The following ZBTB43 variants were observed in gnomAD, a reference collection of about 807,000 sequenced individuals.
ZBTB43 encodes zinc finger and BTB domain-containing protein 43.
A neutral mutation model predicts 31.1 loss-of-function variants in ZBTB43; 6 were observed. That is an observed-to-expected ratio of 0.19 (90% confidence interval 0.11 to 0.38). The LOEUF is 0.38. Ranked by LOEUF, ZBTB43 falls within the 10% of genes least tolerant of loss-of-function variation. The pLI is 1.00. For synonymous variants in ZBTB43, 212 were observed against 221.7 expected, an observed-to-expected ratio of 0.96 and a Z score of 0.39; for missense variants, 379 against 602.1, an observed-to-expected ratio of 0.63 and a Z score of 3.88.
At position 126,833,364 on chromosome 9, in the gene ZBTB43, G is replaced by A. The variant is rs138764141; in HGVS notation, c.855G>A (p.Ser285=). The change falls in exon 3 of 3, where the codon TCG becomes TCA. Residue 285 remains serine, a synonymous_variant. Coordinates refer to ENST00000373464, the MANE Select transcript of ZBTB43 (RefSeq NM_014007.4). The surrounding 1 kb of genome is among the most constrained non-coding windows in gnomAD (Gnocchi z 7.9). The part of the protein sequence containing the change: ...TVQTEHTVQP[S]GVEEDFHIGE... ...AGACAGAGCACACGGTGCAGCCTTC[G>A]GGAGTGGAGGAGGACTTCCACATCG... 702 of 1,613,280 alleles carry A rather than the reference G, an allele frequency of 4.4e-4. 4 individuals are homozygous for A. The African/African-American group carries it at 6.6e-3, about 15-fold the overall frequency.
chr9:126,820,517 A>C (rs2032486115), intron 2 of ZBTB43, among the ~76,000 whole-genome samples: 1 of 152,164 alleles, frequency 6.6e-6, no homozygotes, highest in Non-Finnish European at 1.5e-5. Context: ...ATTTTTTACA[A>C]AGCATTACTG....
intron 2 of ZBTB43, among the ~76,000 whole-genome samples, chr9:126,831,164 C>T (rs1275392072): frequency 6.6e-6 from 1 of 152,144 alleles, no homozygotes; most frequent in Non-Finnish European, 1.5e-5. Context: ...ACTGCTCAAG[C>T]CCCCAGGCCC....
chr9:126,828,820 A>G (rs1207170905), intron 2 of ZBTB43, among the ~76,000 whole-genome samples: 2 of 152,062 alleles, frequency 1.3e-5, no homozygotes, highest in Admixed American at 6.6e-5. Flanking sequence ...ACAACGTAGG[A>G]TAAAGTTAAC....
At chr9:126,811,429 G>T (rs2032246827) in intron 2 of ZBTB43, among the ~76,000 whole-genome samples, 1 of 151,640 alleles carries the variant, frequency 6.6e-6, no homozygotes, top group African/African-American at 2.4e-5. Flanking sequence ...TGAAGATTAA[G>T]TGAGACAGAG....
In ZBTB43 at chr9:126,805,096, T is replaced by C. The variant is rs2032093141; in HGVS notation, c.-183T>C. 6.6e-6 allele frequency: 1 copy of C among 152,470 alleles called. No homozygotes were observed. The highest frequency in any genetic ancestry group is 6.5e-5 in the Admixed American group (1 of 15,290). The allele number at this position is 152,470 out of a possible 1,614,324, so 9.4% of individuals were successfully genotyped here. On this transcript the variant is annotated 5_prime_UTR_variant, in exon 1 of 3. Coordinates refer to ENST00000373464, the MANE Select transcript of ZBTB43 (RefSeq NM_014007.4). Reference sequence around the variant, plus strand: ...GCCTGCGCCGGCGGCAGAGAGGATATCTTGGGCGGGGGATGTGAGCGCTGA... The same window carrying C: ...GCCTGCGCCGGCGGCAGAGAGGATACCTTGGGCGGGGGATGTGAGCGCTGA...
chr9:126,812,185 C>T (rs1005207415), intron 2 of ZBTB43, among the ~76,000 whole-genome samples: 5 of 151,296 alleles, frequency 3.3e-5, no homozygotes, highest in Admixed American at 6.6e-5. Context: ...CTTTTGTGTC[C>T]GACCTCTTTC....
chr9:126,829,642 A>T (rs7031167), intron 2 of ZBTB43, among the ~76,000 whole-genome samples: 2 of 152,250 alleles, frequency 1.3e-5, no homozygotes, highest in East Asian at 3.9e-4. Flanking sequence ...TATAAACAGG[A>T]GTTTAATGGT....
At chr9:126,817,964 G>C (rs931815046) in intron 2 of ZBTB43, among the ~76,000 whole-genome samples, 5 of 152,080 alleles carry the variant, frequency 3.3e-5, no homozygotes, top group Non-Finnish European at 5.9e-5. Context: ...TTAAGGGCAA[G>C]GATTTTTGAT....
chr9:126,815,420 C>T (rs1320787287), intron 2 of ZBTB43, among the ~76,000 whole-genome samples: 1 of 148,926 alleles, frequency 6.7e-6, no homozygotes, highest in African/African-American at 2.5e-5. Flanking sequence ...TTTTGCCTTC[C>T]CCACAACAAT....
chr9:126,834,144 G>A lies in ZBTB43; in HGVS notation c.*231G>A, dbSNP rs1358722001. The A allele has an allele frequency of 2.2e-5, 9 of 418,316 alleles. No homozygotes were observed. Among genetic ancestry groups the A allele is most frequent in the South Asian group, 1.3e-4 (2 of 15,390 alleles). The allele number at this position is 418,316 out of a possible 1,614,324, so 25.9% of individuals were successfully genotyped here. Reference sequence around the variant, plus strand: ...GGGTAATGGGGTGAGTTAACCCACCGCCCAGCTGGCAAGGGAAACCTTCTG... The same window carrying A: ...GGGTAATGGGGTGAGTTAACCCACCACCCAGCTGGCAAGGGAAACCTTCTG... On this transcript the variant is annotated 3_prime_UTR_variant, in exon 3 of 3. Coordinates refer to ENST00000373464, the MANE Select transcript of ZBTB43 (RefSeq NM_014007.4).
chr9:126,822,001 C>T lies in ZBTB43; in HGVS notation c.-23-10486C>T, dbSNP rs370280929. ...CCTCAGCCTCCCAAGCGATTACAGT[C>T]GCCCACCACCACACCCAGCTAATTT... On this transcript the variant is annotated intron_variant, in intron 2 of 2. Transcript: ENST00000373464. 6.7e-4 allele frequency among the ~76,000 whole-genome samples: 102 copies of T among 152,076 alleles called. 1 individual carries two copies. The highest frequency in any genetic ancestry group is 6.8e-3 in the Middle Eastern group (2 of 294).
In ZBTB43 at chr9:126,834,028, AAG is replaced by A; in HGVS notation, c.*116_*117del. The A allele has an allele frequency of 8.4e-7, 1 of 1,197,428 alleles. No homozygotes were observed. Among genetic ancestry groups the A allele is most frequent in the Non-Finnish European group, 1.1e-6 (1 of 878,904 alleles). 74.2% of individuals were successfully genotyped at this position (1,197,428 alleles called of 1,614,324 possible). ...ATTATGAGAGAAGCTTAAAAAAAAA[AAG>A]GAAGATATTTCTGAAAGACCAGCTC... is the stretch of plus-strand genomic sequence containing the variant. On this transcript the variant is annotated 3_prime_UTR_variant, in exon 3 of 3. Transcript: ENST00000373464.
intron 2 of ZBTB43, among the ~76,000 whole-genome samples, chr9:126,829,749 C>G (rs1407804407): frequency 6.6e-6 from 1 of 151,572 alleles, no homozygotes; most frequent in Non-Finnish European, 1.5e-5. Context: ...GTGTTATATC[C>G]CACACCCCCT....
chr9:126,821,886 C>T (rs2032519354), intron 2 of ZBTB43, among the ~76,000 whole-genome samples: 1 of 151,956 alleles, frequency 6.6e-6, no homozygotes, highest in South Asian at 2.1e-4. Flanking sequence ...TTTTTTGAGA[C>T]AGAGTTTCTC....
At chr9:126,815,140 T>C (rs1016367624) in intron 2 of ZBTB43, among the ~76,000 whole-genome samples, 3 of 151,320 alleles carry the variant, frequency 2.0e-5, no homozygotes, top group Admixed American at 1.3e-4. Flanking sequence ...GTTTTGGCTG[T>C]TGTTTTCACA....
At chr9:126,813,994 C>T (rs2032305858) in intron 2 of ZBTB43, among the ~76,000 whole-genome samples, 1 of 152,028 alleles carries the variant, frequency 6.6e-6, no homozygotes, top group African/African-American at 2.4e-5. Flanking sequence ...TGTAAATGTC[C>T]TACAGACAGT....
intron 2 of ZBTB43, among the ~76,000 whole-genome samples, chr9:126,823,111 T>C (rs1303397299): frequency 6.6e-6 from 1 of 152,228 alleles, no homozygotes; most frequent in African/African-American, 2.4e-5. Context: ...TATGTCTTTA[T>C]AGCAGGCTTA....
intron 2 of ZBTB43, among the ~76,000 whole-genome samples, chr9:126,811,153 C>T (rs1390843670): frequency 1.4e-5 from 2 of 147,002 alleles, no homozygotes; most frequent in African/African-American, 2.5e-5. Context: ...ACCTGGGAGG[C>T]GGAGGTTACA....
At chr9:126,826,072 G>A (rs1245653157) in intron 2 of ZBTB43, among the ~76,000 whole-genome samples, 2 of 145,834 alleles carry the variant, frequency 1.4e-5, no homozygotes, top group Admixed American at 1.4e-4. Flanking sequence ...GGAGTGCAGT[G>A]GACTGATCTT....
Sources: gnomAD v4.1 joint callset for allele counts (sites outside exome capture counted in the v4.1 genomes callset) on GRCh38, gnomAD v4.1.1 for gene constraint, Gnocchi (gnomAD v3.1) non-coding constraint, MANE v1.5 for transcripts, NCBI Gene and HGNC (gene_info 2026-07-23, HGNC 2026-07-21) for gene names.